The following CAMTA1 variants were observed in gnomAD, a reference collection of about 807,000 sequenced individuals.
The protein encoded by CAMTA1 is calmodulin binding transcription activator 1, also known as calmodulin-binding transcription activator 1.
In CAMTA1, 27 loss-of-function variants were observed where a neutral mutation model predicts 170.9. That is an observed-to-expected ratio of 0.16 (90% CI 0.12 to 0.22). The LOEUF (loss-of-function observed/expected upper bound fraction) is 0.22, where lower values mean the gene tolerates loss of function less well. Ranked by LOEUF, CAMTA1 falls within the 10% of genes least tolerant of loss-of-function variation. The pLI is 1.00. For missense variants in CAMTA1, 1,619 were observed against 2,217.2 expected (o/e 0.73, Z 5.42); for synonymous variants, 833 against 891.5 (o/e 0.93, Z 1.17).
chr1:6,790,353 AGT>A (rs1219826671), intron 1 of CAMTA1, among the ~76,000 whole-genome samples: 35 of 147,662 alleles, frequency 2.4e-4, no homozygotes, highest in African/African-American at 8.6e-4. Context: ...CTGTGTGCAG[AGT>A]GTGAGAGAGA....
In CAMTA1 at chr1:7,231,108, G is replaced by A. The variant is rs74053605; in HGVS notation, c.303-18383G>A. 7.6e-3 allele frequency among the ~76,000 whole-genome samples: 1,152 copies of A among 152,096 alleles called. 12 individuals are homozygous for A. The highest frequency in any genetic ancestry group is 0.026 in the African/African-American group (1,085 of 41,512). On this transcript the variant is annotated intron_variant, in intron 4 of 22. Transcript: ENST00000303635. Reference sequence around the variant, plus strand: ...AGTCTGATCGTGGGATGAGAGCCCCGGTGGCTACCTCCCTAAGTAGGATAA... The same window carrying A: ...AGTCTGATCGTGGGATGAGAGCCCCAGTGGCTACCTCCCTAAGTAGGATAA...
At chr1:7,276,303 A>ATATATTTTTTTTTTTTTTTTTTTTTT in intron 5 of CAMTA1, among the ~76,000 whole-genome samples, 1 of 24,232 alleles carries the variant, frequency 4.1e-5, no homozygotes. Context: ...ATATATATAT[A>ATATATTTTTTTTTTTTTTTTTTTTTT]TTTTTTTTTT....
At chr1:7,013,805 G>A (rs1444612127) in intron 3 of CAMTA1, among the ~76,000 whole-genome samples, 2 of 152,248 alleles carry the variant, frequency 1.3e-5, no homozygotes, top group South Asian at 4.2e-4. Context: ...GGGAGCTGGC[G>A]GAACTTCCCT....
chr1:7,230,685 C>T lies in CAMTA1; in HGVS notation c.303-18806C>T, dbSNP rs1279317761. On this transcript the variant is annotated intron_variant, in intron 4 of 22. Transcript: ENST00000303635. ...GGCTCTTCAGCTCGGGAGCCCATGC[C>T]GGAGAGATCTGGGAAAGCATCCTTA... 2.6e-5 allele frequency among the ~76,000 whole-genome samples: 4 copies of T among 152,216 alleles called. No individual in the cohort carries two copies. The South Asian group carries it at 6.2e-4, about 24-fold the overall frequency.
chr1:7,307,573 G>GT (rs765805708), intron 5 of CAMTA1, among the ~76,000 whole-genome samples: 1 of 151,846 alleles, frequency 6.6e-6, no homozygotes. Context: ...TAGTTGTAGG[G>GT]TTTTTTTGGT....
Position 7,764,873 on chromosome 1 carries a change from T to A in CAMTA1, c.4990-1586T>A, listed in dbSNP as rs180693692. Among the ~76,000 whole-genome samples, 95 of 151,578 alleles carry A rather than the reference T, an allele frequency of 6.3e-4. No homozygotes were observed. The East Asian group carries it at 0.017, about 28-fold the overall frequency. ...TACTCGGGAGGCTGAGGCAGGAGAA[T>A]CACTTGAACCCAGGAGGCAGAAGTT... On this transcript the variant is annotated intron_variant, in intron 22 of 22. Coordinates refer to ENST00000303635, the MANE Select transcript of CAMTA1 (RefSeq NM_015215.4).
intron 4 of CAMTA1, among the ~76,000 whole-genome samples, chr1:7,189,294 A>G (rs1158486078): frequency 6.6e-6 from 1 of 152,240 alleles, no homozygotes; most frequent in Non-Finnish European, 1.5e-5. Context: ...ATGAACAAGA[A>G]TGAGCTATAT....
At chr1:7,695,696 C>A (rs907500042) in intron 11 of CAMTA1, among the ~76,000 whole-genome samples, 11 of 152,080 alleles carry the variant, frequency 7.2e-5, no homozygotes, top group African/African-American at 2.4e-4. Context: ...GCCACAGTGA[C>A]AAAGTGACCC....
chr1:7,430,931 C>A (rs2092128018), intron 5 of CAMTA1, among the ~76,000 whole-genome samples: 1 of 152,180 alleles, frequency 6.6e-6, no homozygotes, highest in Non-Finnish European at 1.5e-5. Context: ...CATTATATTC[C>A]CTTTATAACA....
At chr1:7,656,618 C>T (rs1478044635) in intron 7 of CAMTA1, among the ~76,000 whole-genome samples, 1 of 152,232 alleles carries the variant, frequency 6.6e-6, no homozygotes, top group Non-Finnish European at 1.5e-5. Flanking sequence ...GTAGCTGAAG[C>T]TCTCCGCCGC....
chr1:7,332,495 G>A (rs1161764327), intron 5 of CAMTA1, among the ~76,000 whole-genome samples: 1 of 152,190 alleles, frequency 6.6e-6, no homozygotes, highest in Non-Finnish European at 1.5e-5. Context: ...CTGAAGAATT[G>A]TACCCTTGGA....
chr1:6,912,064 C>T (rs1053685632), intron 3 of CAMTA1, among the ~76,000 whole-genome samples: 6 of 152,168 alleles, frequency 3.9e-5, no homozygotes, highest in East Asian at 1.9e-4. Context: ...GTAGGATCCC[C>T]GGATTGGTGG....
intron 3 of CAMTA1, among the ~76,000 whole-genome samples, chr1:6,914,387 C>G (rs1362489751): frequency 1.3e-5 from 2 of 152,224 alleles, no homozygotes; most frequent in Non-Finnish European, 2.9e-5. Flanking sequence ...CAGGCGTGAA[C>G]CACCACACCT....
chr1:6,946,731 G>A (rs560981274), intron 3 of CAMTA1, among the ~76,000 whole-genome samples: 1 of 152,142 alleles, frequency 6.6e-6, no homozygotes, highest in Admixed American at 6.6e-5. Context: ...GTCAGAGATA[G>A]GATTTGCAAA....
intron 5 of CAMTA1, among the ~76,000 whole-genome samples, chr1:7,327,155 G>A (rs539972096): frequency 6.6e-6 from 1 of 152,098 alleles, no homozygotes; most frequent in African/African-American, 2.4e-5. Flanking sequence ...AGTGGCTCAC[G>A]CTTGTAATCC....
chr1:7,227,693 G>T (rs1661974373), intron 4 of CAMTA1, among the ~76,000 whole-genome samples: 1 of 152,188 alleles, frequency 6.6e-6, no homozygotes, highest in South Asian at 2.1e-4. Flanking sequence ...GGGCTGCCTG[G>T]GTTTCCTAAA....
At chr1:7,256,975 G>A (rs1240074962) in intron 5 of CAMTA1, among the ~76,000 whole-genome samples, 2 of 151,572 alleles carry the variant, frequency 1.3e-5, no homozygotes, top group African/African-American at 4.8e-5. Context: ...AGCTCTCTGG[G>A]GTTCCTTTTA....
chr1:7,052,780 C>G (rs1164907412), intron 3 of CAMTA1, among the ~76,000 whole-genome samples: 2 of 152,228 alleles, frequency 1.3e-5, no homozygotes, highest in Non-Finnish European at 2.9e-5. Flanking sequence ...TCAAGTGCCC[C>G]CTTGGCTCTG....
chr1:7,397,597 A>T (rs1323854048), intron 5 of CAMTA1, among the ~76,000 whole-genome samples: 1 of 151,908 alleles, frequency 6.6e-6, no homozygotes, highest in Non-Finnish European at 1.5e-5. Flanking sequence ...GCAATGTTAA[A>T]TTTTTTTATT....
Sources: gnomAD v4.1 joint callset for allele counts (sites outside exome capture counted in the v4.1 genomes callset) on GRCh38, gnomAD v4.1.1 for gene constraint, MANE v1.5 for transcripts, NCBI Gene and HGNC (gene_info 2026-07-23, HGNC 2026-07-21) for gene names.